Variants in TJP1 observed in about 807,000 individuals in gnomAD.
TJP1 encodes tight junction protein 1.
In TJP1, 43 loss-of-function variants were observed where a neutral mutation model predicts 194.2. The observed-to-expected ratio is 0.22, with a 90% CI of 0.17 to 0.29. The LOEUF (loss-of-function observed/expected upper bound fraction) is 0.29, where lower values mean the gene tolerates loss of function less well. Ranked by LOEUF, TJP1 falls within the 10% of genes least tolerant of loss-of-function variation. TJP1 has a pLI of 1.00. For missense variants in TJP1, 1,971 were observed against 2,185.7 expected (o/e 0.90, Z 1.96); for synonymous variants, 801 against 779.0 (o/e 1.03, Z -0.47).
intron 1 of TJP1, among the ~76,000 whole-genome samples, chr15:29,814,783 T>C (rs1298496285): frequency 6.6e-6 from 1 of 152,214 alleles, no homozygotes; most frequent in Non-Finnish European, 1.5e-5. Flanking sequence ...ATTGAGATCA[T>C]TCACCAGTTA....
intron 1 of TJP1, among the ~76,000 whole-genome samples, chr15:29,812,924 A>C (rs2049629430): frequency 6.6e-6 from 1 of 152,170 alleles, no homozygotes; most frequent in Admixed American, 6.5e-5. Context: ...TTTATAGGTG[A>C]TACAGCATCA....
chr15:29,956,277 T>G, exon 2 of TJP1: 1 of 1,289,078 alleles, frequency 7.8e-7, no homozygotes, highest in African/African-American at 1.5e-5. Flanking sequence ...TGCTTCTGTG[T>G]AATCTCCCTT....
At chr15:29,908,989 C>T (rs1289395515) in intron 2 of TJP1, among the ~76,000 whole-genome samples, 1 of 151,792 alleles carries the variant, frequency 6.6e-6, no homozygotes, top group Non-Finnish European at 1.5e-5. Flanking sequence ...CCCGTCTCTA[C>T]CAAAAATACA....
At position 29,951,345 on chromosome 15, in the gene TJP1, T is replaced by G. The variant is rs145314282; in HGVS notation, c.306+4887A>C. On this transcript the variant is annotated intron_variant, in intron 2 of 28. Transcript: ENST00000356107. ...ACCATGCCCAGCTAATTTTTGGATT[T>G]TTAGTAGAGACAGGGTTTTACCAGG... is the stretch of plus-strand genomic sequence containing the variant. Among the ~76,000 whole-genome samples, 869 of 152,112 alleles carry G rather than the reference T, an allele frequency of 5.7e-3. 14 individuals carry two copies. The highest frequency in any genetic ancestry group is 0.043 in the East Asian group (223 of 5,148).
At chr15:29,913,196 A>C (rs1188176028) in intron 2 of TJP1, among the ~76,000 whole-genome samples, 5 of 146,372 alleles carry the variant, frequency 3.4e-5, no homozygotes, top group Non-Finnish European at 7.6e-5. Context: ...TCACAAAAAA[A>C]AAAGGGGGTA....
intron 1 of TJP1, among the ~76,000 whole-genome samples, chr15:29,965,662 TC>T (rs2056308684): frequency 6.6e-6 from 1 of 152,138 alleles, no homozygotes; most frequent in Admixed American, 6.6e-5. Flanking sequence ...TCTCCAATGC[TC>T]CATGTGCGGT....
At chr15:29,865,274 C>T (rs1414678756) in intron 2 of TJP1, among the ~76,000 whole-genome samples, 2 of 152,164 alleles carry the variant, frequency 1.3e-5, no homozygotes, top group African/African-American at 4.8e-5. Context: ...TATTAACAAA[C>T]AGCACCAATT....
At chr15:29,716,476 G>A in intron 23 of TJP1, 135 bp downstream of exon 23, 4 of 649,694 alleles carry the variant, frequency 6.2e-6, no homozygotes, top group Admixed American at 3.1e-5. Context: ...GAACTAAAAA[G>A]TATGTACAAT....
At chr15:29,933,151 T>C (rs2054775195) in intron 2 of TJP1, among the ~76,000 whole-genome samples, 1 of 152,174 alleles carries the variant, frequency 6.6e-6, no homozygotes, top group African/African-American at 2.4e-5. Context: ...TAAATACATA[T>C]ACATAGATGC....
intron 2 of TJP1, among the ~76,000 whole-genome samples, chr15:29,895,865 C>A (rs1246515651): frequency 1.3e-5 from 2 of 152,162 alleles, no homozygotes; most frequent in East Asian, 3.9e-4. Context: ...TTATTTATTT[C>A]TCTGGAGGCT....
chr15:29,711,745 T>A (rs1324789427), intron 23 of TJP1, among the ~76,000 whole-genome samples: 1 of 152,194 alleles, frequency 6.6e-6, no homozygotes, highest in Non-Finnish European at 1.5e-5. Flanking sequence ...GACTAGGGGT[T>A]GGCAAACTTT....
intron 27 of TJP1, among the ~76,000 whole-genome samples, chr15:29,703,423 G>A (rs1469569113): frequency 6.6e-6 from 1 of 151,766 alleles, no homozygotes; most frequent in African/African-American, 2.4e-5. Context: ...GGGCGACAGA[G>A]CGAGACTCCA....
intron 2 of TJP1, among the ~76,000 whole-genome samples, chr15:29,846,282 C>T (rs893034448): frequency 6.6e-6 from 1 of 152,128 alleles, no homozygotes; most frequent in African/African-American, 2.4e-5. Flanking sequence ...CCATTCACTG[C>T]GATAGCCCCA....
chr15:29,699,369 T>C (rs960407647), downstream of TJP1: 2 of 152,150 alleles, frequency 1.3e-5, no homozygotes, highest in Non-Finnish European at 2.9e-5. Flanking sequence ...AGGCAACATA[T>C]TGTATGATTC....
chr15:29,791,744 G>A (rs964771748), intron 2 of TJP1, among the ~76,000 whole-genome samples: 4 of 151,966 alleles, frequency 2.6e-5, no homozygotes, highest in Non-Finnish European at 5.9e-5. Flanking sequence ...TATCAACAAC[G>A]TATAAGAGTT....
chr15:29,949,683 T>C (rs369001214), intron 2 of TJP1, among the ~76,000 whole-genome samples: 1,490 of 14,996 alleles, frequency 0.099, 1 homozygote, highest in Middle Eastern at 0.14. Flanking sequence ...ACCTCCACCT[T>C]CACCACCACC....
chr15:29,857,131 C>T (rs1330364873), intron 2 of TJP1, among the ~76,000 whole-genome samples: 3 of 151,982 alleles, frequency 2.0e-5, no homozygotes, highest in Non-Finnish European at 4.4e-5. Flanking sequence ...TACCAAGGGA[C>T]AACTATACTA....
At chr15:29,843,381 G>T (rs1014046317) in intron 2 of TJP1, among the ~76,000 whole-genome samples, 1 of 151,986 alleles carries the variant, frequency 6.6e-6, no homozygotes, top group African/African-American at 2.4e-5. Context: ...TAGAGACGGG[G>T]TTTCTCTATG....
At chr15:29,758,544 A>C (rs1016146978) in intron 8 of TJP1, among the ~76,000 whole-genome samples, 1 of 152,220 alleles carries the variant, frequency 6.6e-6, no homozygotes, top group Admixed American at 6.5e-5. Context: ...AATTTTTTAC[A>C]ATCTAAACTA....
Sources: allele counts gnomAD v4.1 joint callset (sites outside exome capture counted in the v4.1 genomes callset), GRCh38; gene constraint gnomAD v4.1.1; transcripts MANE v1.5; gene names NCBI Gene and HGNC (gene_info 2026-07-23, HGNC 2026-07-21).